PTPRK: variants seen among roughly 807,000 people sequenced by gnomAD.
The protein encoded by PTPRK is receptor-type tyrosine-protein phosphatase kappa.
Under a neutral mutation model 178.0 loss-of-function variants are expected in PTPRK, and 75 were observed. The observed-to-expected ratio is 0.42, with a 90% CI of 0.35 to 0.51. The LOEUF (loss-of-function observed/expected upper bound fraction) is 0.51, where lower values mean the gene tolerates loss of function less well. PTPRK is among the 20% of genes least tolerant of loss of function. PTPRK has a pLI of 0.02. For synonymous variants in PTPRK, 637 were observed against 620.6 expected, an observed-to-expected ratio of 1.03 and a Z score of -0.39; for missense variants, 1,441 against 1,797.8, an observed-to-expected ratio of 0.80 and a Z score of 3.59.
chr6:128,312,685 A>G (rs2128316937), intron 3 of PTPRK, among the ~76,000 whole-genome samples: 1 of 152,304 alleles, frequency 6.6e-6, no homozygotes, highest in Admixed American at 6.5e-5. Flanking sequence ...TTCCATTAAA[A>G]ATTATCGATG....
intron 8 of PTPRK, among the ~76,000 whole-genome samples, chr6:128,085,694 A>G (rs757308706): frequency 6.6e-6 from 1 of 152,234 alleles, no homozygotes; most frequent in Non-Finnish European, 1.5e-5. Context: ...TACCTTCCCT[A>G]GAAGTTTTGT....
rs544800476 is a variant in PTPRK, at chr6:127,987,244, A to C, written c.3097-1369T>G. On this transcript the variant is annotated intron_variant, in intron 21 of 29. Transcript: ENST00000368226. ...TTTCAAATATGTGGTTAAAAAAACA[A>C]CCCCCCCCATTTTCTTGTTCTAAAT... Among the ~76,000 whole-genome samples, 13 of 146,682 alleles carry C rather than the reference A, an allele frequency of 8.9e-5. No homozygotes were observed. The South Asian group carries it at 2.8e-3, about 32-fold the overall frequency.
At chr6:128,000,413 C>T in intron 15 of PTPRK, 2 of 909,902 alleles carry the variant, frequency 2.2e-6, no homozygotes, top group South Asian at 3.9e-5. Flanking sequence ...ATCTTTACTC[C>T]CTCTTATTAA....
At chr6:128,348,836 A>T (rs1446536938) in intron 2 of PTPRK, among the ~76,000 whole-genome samples, 3 of 152,086 alleles carry the variant, frequency 2.0e-5, no homozygotes, top group Non-Finnish European at 4.4e-5. Flanking sequence ...CCTGTTGAAC[A>T]CTGATAAGAA....
intron 2 of PTPRK, among the ~76,000 whole-genome samples, chr6:128,360,880 C>A (rs1562356342): frequency 6.6e-6 from 1 of 152,048 alleles, no homozygotes; most frequent in Non-Finnish European, 1.5e-5. Flanking sequence ...GTAAATACTA[C>A]CCAACAGAGC....
In PTPRK at chr6:127,998,330, AAGG is replaced by A. The variant is rs1777404974; in HGVS notation, c.2679+387_2679+389del. Among the ~76,000 whole-genome samples, 3 of 152,094 alleles carry A rather than the reference AAGG, an allele frequency of 2.0e-5. No individual in the cohort carries two copies. In the South Asian group the frequency reaches 6.2e-4, roughly 31 times the overall value. On this transcript the variant is annotated intron_variant, in intron 16 of 29. Transcript: ENST00000368226. ...TTCTCAACCATAAGGTCAACAAAAAAAGGGGCAGAGAAGTACCTGCTACTTGAT... is the reference window on the plus strand; with the variant it reads ...TTCTCAACCATAAGGTCAACAAAAAAGGCAGAGAAGTACCTGCTACTTGAT...
intron 3 of PTPRK, among the ~76,000 whole-genome samples, chr6:128,279,548 G>C (rs1246095768): frequency 6.6e-6 from 1 of 152,102 alleles, no homozygotes; most frequent in Non-Finnish European, 1.5e-5. Context: ...AAGCCAAGTA[G>C]ACATATACTC....
rs368545767 is a variant in PTPRK, at chr6:128,505,462, T to C, written c.100+14797A>G. 2.4e-4 allele frequency among the ~76,000 whole-genome samples: 37 copies of C among 151,484 alleles called. 3 individuals are homozygous for C. Among genetic ancestry groups the C allele is most frequent in the African/African-American group, 8.7e-4 (36 of 41,380 alleles). On this transcript the variant is annotated intron_variant, in intron 1 of 29. Coordinates refer to ENST00000368226, the MANE Select transcript of PTPRK (RefSeq NM_002844.4). ...GTCTCAAAAAAAATAAATACACACA[T>C]AAAATAAAAAATAAATGAAGATGAG...
intron 13 of PTPRK, among the ~76,000 whole-genome samples, chr6:128,010,795 CACTA>C (rs951079794): frequency 1.3e-4 from 19 of 151,044 alleles, no homozygotes; most frequent in Non-Finnish European, 1.9e-4. Flanking sequence ...AGACTAGATT[CACTA>C]ACTATTATTC....
At chr6:128,335,278 C>T (rs940358144) in intron 2 of PTPRK, among the ~76,000 whole-genome samples, 10 of 151,964 alleles carry the variant, frequency 6.6e-5, no homozygotes, top group African/African-American at 2.4e-4. Flanking sequence ...TGGATTGTTG[C>T]AAGGATTACG....
At chr6:128,496,944 G>C (rs932899741) in intron 1 of PTPRK, among the ~76,000 whole-genome samples, 2 of 152,184 alleles carry the variant, frequency 1.3e-5, no homozygotes, top group African/African-American at 2.4e-5. Context: ...AGAAGGCCAA[G>C]TTGTTCTGGA....
intron 1 of PTPRK, among the ~76,000 whole-genome samples, chr6:128,510,898 T>A (rs984453453): frequency 3.9e-5 from 6 of 151,982 alleles, no homozygotes; most frequent in Non-Finnish European, 8.8e-5. Context: ...GATACATATA[T>A]AGTAAGAACA....
intron 13 of PTPRK, among the ~76,000 whole-genome samples, chr6:128,028,526 T>C (rs138323624): frequency 0.012 from 1,838 of 152,334 alleles, 21 homozygotes; most frequent in Middle Eastern, 0.021. Context: ...CTTTCATGTC[T>C]AACTGCAAAC....
chr6:128,203,455 G>A (rs1336256269), intron 6 of PTPRK, among the ~76,000 whole-genome samples: 1 of 152,142 alleles, frequency 6.6e-6, no homozygotes, highest in Non-Finnish European at 1.5e-5. Flanking sequence ...AAGAAATAAA[G>A]AGTATTTGAA....
chr6:128,065,456 G>A (rs1294650216), intron 12 of PTPRK, among the ~76,000 whole-genome samples: 1 of 152,128 alleles, frequency 6.6e-6, no homozygotes, highest in African/African-American at 2.4e-5. Context: ...GGCAGTAGGA[G>A]ACACATGTCC....
chr6:128,240,270 A>C, intron 4 of PTPRK, 120 bp from the exon 5 acceptor site: 1 of 730,718 alleles, frequency 1.4e-6, no homozygotes. Context: ...CTAACATCAG[A>C]AAGAAGAAAA....
chr6:128,291,082 G>A (rs1003965453), intron 3 of PTPRK, among the ~76,000 whole-genome samples: 3 of 152,094 alleles, frequency 2.0e-5, no homozygotes, highest in African/African-American at 7.2e-5. Context: ...AGGTGACCTT[G>A]AAATGTGACA....
At chr6:128,059,936 G>T (rs1468360482) in intron 13 of PTPRK, among the ~76,000 whole-genome samples, 1 of 151,946 alleles carries the variant, frequency 6.6e-6, no homozygotes, top group East Asian at 1.9e-4. Context: ...ATCTAACTTG[G>T]GGTTGGGATG....
intron 3 of PTPRK, among the ~76,000 whole-genome samples, chr6:128,258,047 A>G (rs1379117296): frequency 2.0e-5 from 3 of 152,194 alleles, no homozygotes; most frequent in African/African-American, 7.2e-5. Context: ...TCAGAAATCA[A>G]TTAGGACCAC....
Sources: gnomAD v4.1 joint callset for allele counts (sites outside exome capture counted in the v4.1 genomes callset) on GRCh38, gnomAD v4.1.1 for gene constraint, MANE v1.5 for transcripts, NCBI Gene and HGNC (gene_info 2026-07-23, HGNC 2026-07-21) for gene names.